Variants in TEX9 observed in about 807,000 individuals in gnomAD.
The protein encoded by TEX9 is testis expressed 9, also known as testis-expressed protein 9.
A neutral mutation model predicts 59.6 loss-of-function variants in TEX9; 74 were observed. The observed-to-expected ratio is 1.24, with a 90% CI of 1.03 to 1.51. TEX9 has a LOEUF of 1.51. Ranked by LOEUF, TEX9 falls within the 40% of genes most tolerant of loss-of-function variation. The pLI is 0.00. For synonymous variants in TEX9, 186 were observed against 152.2 expected, an observed-to-expected ratio of 1.22 and a Z score of -1.64; for missense variants, 522 against 447.8, an observed-to-expected ratio of 1.17 and a Z score of -1.49.
intron 12 of TEX9, among the ~76,000 whole-genome samples, chr15:56,436,731 G>A (rs1234894648): frequency 6.6e-6 from 1 of 152,080 alleles, no homozygotes; most frequent in Non-Finnish European, 1.5e-5. Context: ...ACAAAGAAAA[G>A]AGAGAAGAAT....
At chr15:56,429,939 G>T (rs1310895659) in intron 12 of TEX9, 1 of 152,048 alleles carries the variant, frequency 6.6e-6, no homozygotes, top group Non-Finnish European at 1.5e-5. Context: ...TTATAATTTA[G>T]TTTATGAAAT....
intron 10 of TEX9, among the ~76,000 whole-genome samples, chr15:56,424,559 TTTCC>T (rs2050150309): frequency 6.6e-6 from 1 of 152,174 alleles, no homozygotes; most frequent in African/African-American, 2.4e-5. Context: ...TACCCTCTCA[TTTCC>T]TTCCTTATTG....
the TEX9 span, among the ~76,000 whole-genome samples, chr15:56,453,584 G>C: frequency 6.6e-6 from 1 of 151,502 alleles, no homozygotes; most frequent in East Asian, 1.9e-4. Context: ...TGAGGTACTT[G>C]CTTTTGCTTT....
upstream of TEX9, chr15:56,365,283 C>G (rs954969047): frequency 6.2e-5 from 53 of 849,588 alleles, no homozygotes; most frequent in African/African-American, 5.0e-4. Context: ...GGGACAGCGC[C>G]GAGTGCTGCG....
chr15:56,287,440 G>A (rs2044980244), intron 1 of TEX9, among the ~76,000 whole-genome samples: 1 of 152,032 alleles, frequency 6.6e-6, no homozygotes, highest in South Asian at 2.1e-4. Flanking sequence ...TATACTTGTG[G>A]TGTATAATGT....
At chr15:56,444,409 C>A in intron 12 of TEX9, 3 of 1,541,364 alleles carry the variant, frequency 1.9e-6, no homozygotes, top group South Asian at 1.2e-5. Context: ...CTAAAGTAAA[C>A]ATTTAGACAT....
intron 1 of TEX9, among the ~76,000 whole-genome samples, chr15:56,261,752 A>G (rs2044275108): frequency 6.6e-6 from 1 of 152,098 alleles, no homozygotes. Flanking sequence ...CAGGTCATTG[A>G]AGTAATGAGA....
At chr15:56,277,739 A>G (rs1319321718) in intron 1 of TEX9, among the ~76,000 whole-genome samples, 1 of 152,206 alleles carries the variant, frequency 6.6e-6, no homozygotes, top group Non-Finnish European at 1.5e-5. Flanking sequence ...CTCACATTAC[A>G]TGGCCAAGGC....
chr15:56,334,416 G>A (rs1736913062), intron 1 of TEX9, among the ~76,000 whole-genome samples: 1 of 152,138 alleles, frequency 6.6e-6, no homozygotes, highest in Non-Finnish European at 1.5e-5. Context: ...GGAGAGAACA[G>A]TCTCTTTAAT....
At chr15:56,308,108 G>T (rs1485439275) in intron 1 of TEX9, among the ~76,000 whole-genome samples, 1 of 152,120 alleles carries the variant, frequency 6.6e-6, no homozygotes, top group Non-Finnish European at 1.5e-5. Context: ...TGAAAACGAT[G>T]GGTCTTTAGG....
chr15:56,271,449 C>T (rs768907333), intron 1 of TEX9, among the ~76,000 whole-genome samples: 15 of 152,104 alleles, frequency 9.9e-5, no homozygotes, highest in South Asian at 4.1e-4. Flanking sequence ...CTTGTGCATG[C>T]GTCACGTAGT....
At chr15:56,279,688 G>A (rs1423562471) in intron 1 of TEX9, among the ~76,000 whole-genome samples, 1 of 152,136 alleles carries the variant, frequency 6.6e-6, no homozygotes, top group Non-Finnish European at 1.5e-5. Context: ...AGTAATTCTT[G>A]GAAAGGGCCG....
chr15:56,424,617 G>A (rs1054182620), intron 10 of TEX9, among the ~76,000 whole-genome samples: 5 of 151,986 alleles, frequency 3.3e-5, no homozygotes, highest in African/African-American at 7.3e-5. Context: ...AACTTCAATC[G>A]TATATAAAGA....
At chr15:56,449,850 A>G (rs1346986251), downstream of TEX9, among the ~76,000 whole-genome samples, 4 of 152,218 alleles carry the variant, frequency 2.6e-5, no homozygotes, top group Admixed American at 6.5e-5. Context: ...ATTGTTTGCA[A>G]TATCCTGCTA....
At chr15:56,267,772 G>A (rs1214477425) in intron 1 of TEX9, among the ~76,000 whole-genome samples, 1 of 152,116 alleles carries the variant, frequency 6.6e-6, no homozygotes, top group Non-Finnish European at 1.5e-5. Context: ...GATGCCTCCA[G>A]CTTTGTTCTT....
At chr15:56,348,691 A>C (rs2046518848) in intron 1 of TEX9, among the ~76,000 whole-genome samples, 1 of 152,104 alleles carries the variant, frequency 6.6e-6, no homozygotes, top group Non-Finnish European at 1.5e-5. Flanking sequence ...GTTTTCAGAA[A>C]TACGACTATG....
At chr15:56,454,385 G>A in the TEX9 span, among the ~76,000 whole-genome samples, 1 of 149,464 alleles carries the variant, frequency 6.7e-6, no homozygotes, top group Non-Finnish European at 1.5e-5. Context: ...ATTTTTAAAT[G>A]TCCAGTGAAA....
At chr15:56,406,555 A>T (rs1176786943) in intron 9 of TEX9, among the ~76,000 whole-genome samples, 1 of 152,168 alleles carries the variant, frequency 6.6e-6, no homozygotes, top group African/African-American at 2.4e-5. Context: ...ACCATTTTAC[A>T]TTCCCACTAG....
intron 1 of TEX9, among the ~76,000 whole-genome samples, chr15:56,285,794 G>A (rs1314511938): frequency 3.3e-5 from 5 of 151,986 alleles, no homozygotes; most frequent in African/African-American, 1.2e-4. Flanking sequence ...TTTATGTTAG[G>A]CAACATAAAA....
Sources: gnomAD v4.1 joint callset for allele counts (sites outside exome capture counted in the v4.1 genomes callset) on GRCh38, gnomAD v4.1.1 for gene constraint, MANE v1.5 for transcripts, NCBI Gene and HGNC (gene_info 2026-07-23, HGNC 2026-07-21) for gene names.